DNAAF9: variants seen among roughly 807,000 people sequenced by gnomAD.
The protein encoded by DNAAF9 is shulin.
DNAAF9 carries 90 observed loss-of-function variants against 167.0 expected under a neutral mutation model. That is an observed-to-expected ratio of 0.54 (90% CI 0.45 to 0.64). DNAAF9 has a LOEUF of 0.64. Among genes scored for constraint, DNAAF9 ranks in the 30% least tolerant of loss-of-function variants. The probability of loss-of-function intolerance (pLI) is 0.00; values close to 1 mark genes in which losing one functional copy is unlikely to be tolerated. For synonymous variants in DNAAF9, 491 were observed against 508.8 expected, an observed-to-expected ratio of 0.96 and a Z score of 0.47; for missense variants, 1,315 against 1,442.2, an observed-to-expected ratio of 0.91 and a Z score of 1.43.
intron 7 of DNAAF9, among the ~76,000 whole-genome samples, chr20:3,349,137 T>C (rs986633454): frequency 1.5e-5 from 2 of 133,088 alleles, no homozygotes; most frequent in African/African-American, 5.8e-5. Flanking sequence ...GAGAATCACA[T>C]GAGCCCCAGG....
chr20:3,266,626 C>T (rs998164714), intron 30 of DNAAF9, among the ~76,000 whole-genome samples: 12 of 151,082 alleles, frequency 7.9e-5, no homozygotes, highest in Non-Finnish European at 7.4e-5. Context: ...TACAGGTGCC[C>T]GCCACCATGC....
chr20:3,353,368 G>A (rs750547998), intron 7 of DNAAF9, among the ~76,000 whole-genome samples: 11 of 152,010 alleles, frequency 7.2e-5, no homozygotes, highest in Non-Finnish European at 1.5e-4. Context: ...AAAAGGGACC[G>A]GGTGCGGTGG....
chr20:3,292,537 C>T (rs1371138721), intron 25 of DNAAF9, among the ~76,000 whole-genome samples: 8 of 151,830 alleles, frequency 5.3e-5, no homozygotes, highest in Non-Finnish European at 1.0e-4. Context: ...GAGGCCGAGG[C>T]GGGAGGATCA....
At chr20:3,253,953 C>T (rs952928415) in intron 35 of DNAAF9, 134 bp from the exon 36 acceptor site, 21 of 614,220 alleles carry the variant, frequency 3.4e-5, no homozygotes, top group Non-Finnish European at 5.9e-5. Context: ...AGCTAACACC[C>T]CCGGCAAACC....
intron 12 of DNAAF9, among the ~76,000 whole-genome samples, chr20:3,327,942 G>A (rs74947258): frequency 0.044 from 6,736 of 152,242 alleles, 224 homozygotes; most frequent in African/African-American, 0.094. Context: ...GAATGAGCTT[G>A]GCCCCTTCCA....
In DNAAF9 at chr20:3,292,538, G is replaced by A. The variant is rs372960650; in HGVS notation, c.2238+1601C>T. ...ACCCAGCACTTTGGGAGGCCGAGGC[G>A]GGAGGATCACTCGAAGTCAGGAGAT... On this transcript the variant is annotated intron_variant, in intron 25 of 36. Transcript: ENST00000252032. Among the ~76,000 whole-genome samples the A allele has an allele frequency of 2.5e-3, 376 of 150,864 alleles. 1 individual carries two copies. Among genetic ancestry groups the A allele is most frequent in the African/African-American group, 8.9e-3 (364 of 41,076 alleles).
intron 16 of DNAAF9, among the ~76,000 whole-genome samples, chr20:3,319,837 C>T (rs77107293): frequency 0.034 from 5,195 of 152,270 alleles, 139 homozygotes; most frequent in African/African-American, 0.071. Context: ...TTTGAATTAA[C>T]TTTCCTTTCA....
At chr20:3,325,056 C>T (rs1245127550) in intron 13 of DNAAF9, 88 bp from the exon 14 acceptor site, 20 of 795,170 alleles carry the variant, frequency 2.5e-5, no homozygotes, top group Non-Finnish European at 4.6e-5. Flanking sequence ...TAACACTTGT[C>T]CAGGATCACA....
intron 33 of DNAAF9, among the ~76,000 whole-genome samples, chr20:3,256,714 G>A (rs1173451256): frequency 6.6e-6 from 1 of 152,204 alleles, no homozygotes; most frequent in East Asian, 1.9e-4. Flanking sequence ...AAGTCTCTAA[G>A]ACCCTGAGCG....
intron 27 of DNAAF9, among the ~76,000 whole-genome samples, chr20:3,286,217 G>A (rs929856289): frequency 3.0e-4 from 45 of 152,278 alleles, no homozygotes; most frequent in African/African-American, 9.9e-4. Flanking sequence ...GAGTCCTCCA[G>A]GAAATTGACT....
At chr20:3,358,092 G>A (rs2083312945) in intron 7 of DNAAF9, among the ~76,000 whole-genome samples, 1 of 151,894 alleles carries the variant, frequency 6.6e-6, no homozygotes, top group Non-Finnish European at 1.5e-5. Flanking sequence ...TTATAGGTAT[G>A]TTGCTTCATT....
intron 10 of DNAAF9, 50 bp downstream of exon 10, chr20:3,340,454 C>CCCCCCCA: frequency 9.5e-7 from 1 of 1,053,078 alleles, no homozygotes; most frequent in Non-Finnish European, 1.3e-6. Context: ...ACCCCACCCC[C>CCCCCCCA]ACAACTTGAT....
At chr20:3,399,353 G>A (rs2083952397) in intron 1 of DNAAF9, among the ~76,000 whole-genome samples, 1 of 151,992 alleles carries the variant, frequency 6.6e-6, no homozygotes, top group Admixed American at 6.6e-5. Context: ...GGAGTTACAG[G>A]CACCTGCCAC....
chr20:3,346,295 A>C (rs996026041), intron 8 of DNAAF9, among the ~76,000 whole-genome samples: 2 of 152,196 alleles, frequency 1.3e-5, no homozygotes, highest in African/African-American at 4.8e-5. Flanking sequence ...TTGACCCAGC[A>C]ATCCCATCAC....
intron 30 of DNAAF9, among the ~76,000 whole-genome samples, chr20:3,268,736 G>C (rs114526130): frequency 2.2e-4 from 34 of 151,958 alleles, no homozygotes; most frequent in Non-Finnish European, 4.1e-4. Flanking sequence ...ACATTAAAAA[G>C]GTATATAACC....
chr20:3,357,479 T>A lies in DNAAF9; in HGVS notation c.690+2037A>T, dbSNP rs545851802. The stretch of plus-strand genomic sequence containing the variant: ...AGAGTGAGACTCTGTCTCAAAAAAA[T>A]AAATAAATAAATAAATATTACCGAG... On this transcript the variant is annotated intron_variant, in intron 7 of 36. Transcript: ENST00000252032. Among the ~76,000 whole-genome samples, 439 of 151,870 alleles carry A rather than the reference T, an allele frequency of 2.9e-3. 1 individual carries two copies. Among genetic ancestry groups the A allele is most frequent in the African/African-American group, 9.6e-3 (396 of 41,424 alleles).
At chr20:3,379,201 C>T (rs1467958996) in intron 3 of DNAAF9, among the ~76,000 whole-genome samples, 1 of 151,902 alleles carries the variant, frequency 6.6e-6, no homozygotes, top group African/African-American at 2.4e-5. Context: ...CTAAAGTAAG[C>T]ATTCCCCAAA....
chr20:3,322,832 A>C (rs1253861134), intron 14 of DNAAF9, 136 bp from the exon 15 acceptor site: 2 of 745,994 alleles, frequency 2.7e-6, no homozygotes, highest in Non-Finnish European at 4.8e-6. Flanking sequence ...GATTTACCCT[A>C]TTTTGGATAC....
chr20:3,314,424 GT>G (rs1233420273), intron 20 of DNAAF9, among the ~76,000 whole-genome samples: 1 of 152,100 alleles, frequency 6.6e-6, no homozygotes, highest in East Asian at 1.9e-4. Flanking sequence ...GATGGAGGGG[GT>G]CACAAGAGCA....
Sources: allele counts gnomAD v4.1 joint callset (sites outside exome capture counted in the v4.1 genomes callset), GRCh38; gene constraint gnomAD v4.1.1; transcripts MANE v1.5; gene names NCBI Gene and HGNC (gene_info 2026-07-23, HGNC 2026-07-21).